The following TMTC1 variants were observed in gnomAD, a reference collection of about 807,000 sequenced individuals.
TMTC1 encodes transmembrane O-mannosyltransferase targeting cadherins 1, also known as protein O-mannosyl-transferase TMTC1.
Under a neutral mutation model 104.8 loss-of-function variants are expected in TMTC1, and 73 were observed. The ratio of observed to expected loss-of-function variants is 0.70; its 90% CI spans 0.58 to 0.85. The LOEUF is 0.85. TMTC1 is among the 40% of genes least tolerant of loss of function. The pLI is 0.00. For missense variants in TMTC1, 1,035 were observed against 1,096.1 expected, an observed-to-expected ratio of 0.94 and a Z score of 0.79; for synonymous variants, 434 against 428.7, an observed-to-expected ratio of 1.01 and a Z score of -0.15.
At chr12:29,729,278 T>C (rs1942485615) in intron 5 of TMTC1, among the ~76,000 whole-genome samples, 1 of 151,904 alleles carries the variant, frequency 6.6e-6, no homozygotes, top group Non-Finnish European at 1.5e-5. Flanking sequence ...GTCTCCCTAC[T>C]AGATTGGGAG....
chr12:29,676,790 T>G (rs759890), intron 5 of TMTC1, among the ~76,000 whole-genome samples: 82,753 of 152,044 alleles, frequency 0.54, 22,751 homozygotes, highest in African/African-American at 0.63. Flanking sequence ...GATGCCCTCG[T>G]GCAGCCAAAT....
chr12:29,633,416 T>C (rs566203619), intron 5 of TMTC1, 80 bp from the exon 6 acceptor site: 1 of 1,188,376 alleles, frequency 8.4e-7, no homozygotes, highest in Non-Finnish European at 1.2e-6. Flanking sequence ...ATATTTTTAT[T>C]AAATAGCATT....
intron 2 of TMTC1, among the ~76,000 whole-genome samples, chr12:29,767,620 A>G (rs1272136888): frequency 1.3e-5 from 2 of 152,240 alleles, no homozygotes; most frequent in Admixed American, 6.5e-5. Flanking sequence ...AAAGCAGTTA[A>G]ATCCAGGAGG....
At chr12:29,599,881 CAT>C (rs1036771796) in intron 7 of TMTC1, among the ~76,000 whole-genome samples, 38 of 146,364 alleles carry the variant, frequency 2.6e-4, no homozygotes, top group African/African-American at 1.0e-3. Context: ...TTGAGTACAC[CAT>C]ATATATGTGT....
intron 13 of TMTC1, among the ~76,000 whole-genome samples, chr12:29,517,851 A>G (rs1328039385): frequency 6.6e-6 from 1 of 152,078 alleles, no homozygotes; most frequent in Non-Finnish European, 1.5e-5. Flanking sequence ...AGTAGCAGGG[A>G]TTACAGGTGC....
At chr12:29,582,036 C>T (rs80314025) in intron 8 of TMTC1, among the ~76,000 whole-genome samples, 461 of 152,150 alleles carry the variant, frequency 3.0e-3, no homozygotes, top group African/African-American at 0.01. Context: ...CTACAGTACC[C>T]GCTGAAATGA....
rs1337908667 is a variant in TMTC1, at chr12:29,516,491, A to C, written c.2170-5T>G. 1 of 1,612,654 alleles carries C rather than the reference A, an allele frequency of 6.2e-7. No individual in the cohort carries two copies. The highest frequency in any genetic ancestry group is 1.3e-5 in the African/African-American group (1 of 74,890). On this transcript the variant is annotated splice_polypyrimidine_tract_variant and splice_region_variant and intron_variant, in intron 14 of 17. Coordinates refer to ENST00000539277, the MANE Select transcript of TMTC1 (RefSeq NM_001193451.2). ...CATCACGGCCAAAACCTGAGCCTAC[A>C]AAACCACATGGACCTTGGCTTAGCA...
Position 29,550,933 on chromosome 12 carries a change from C to CAAAAAA in TMTC1, c.1676+5918_1676+5923dup, listed in dbSNP as rs200605964. On this transcript the variant is annotated intron_variant, in intron 10 of 17. Coordinates refer to ENST00000539277, the MANE Select transcript of TMTC1 (RefSeq NM_001193451.2). ...TGGGGGAGAGAGTGGGACTCCATCT[C>CAAAAAA]AAAAAAAAAAAAAAAAAAAAAAAAA... Among the ~76,000 whole-genome samples, 50 of 108,308 alleles carry CAAAAAA rather than the reference C, an allele frequency of 4.6e-4. 8 individuals are homozygous for CAAAAAA. The highest frequency in any genetic ancestry group is 1.7e-3 in the African/African-American group (44 of 25,272). The allele number at this position is 108,308 out of a possible 152,430, so 71.1% of individuals were successfully genotyped here.
In TMTC1 at chr12:29,527,828, T is replaced by C. The variant is rs185106363; in HGVS notation, c.1786-7108A>G. On this transcript the variant is annotated intron_variant, in intron 11 of 17. Transcript: ENST00000539277. ...CTAAATCTTCTCTTTTATTTTTGCA[T>C]CCATTAGCTGAGCTGATTTTCCACT... 1.7e-3 allele frequency among the ~76,000 whole-genome samples: 257 copies of C among 152,336 alleles called. 1 individual carries two copies. The highest frequency in any genetic ancestry group is 6.8e-3 in the Middle Eastern group (2 of 294).
At chr12:29,570,281 T>C (rs940350116) in intron 9 of TMTC1, among the ~76,000 whole-genome samples, 16 of 152,208 alleles carry the variant, frequency 1.1e-4, no homozygotes, top group African/African-American at 3.9e-4. Context: ...AGATGTTCAT[T>C]GTGGAACACC....
intron 17 of TMTC1, 122 bp from the exon 18 acceptor site, chr12:29,507,108 C>CT (rs1449729294): frequency 2.5e-6 from 2 of 791,590 alleles, no homozygotes; most frequent in Non-Finnish European, 4.2e-6. Context: ...TATGGAAACT[C>CT]TGTCTGTATG....
intron 8 of TMTC1, among the ~76,000 whole-genome samples, chr12:29,576,327 G>A (rs1433256540): frequency 4.6e-5 from 7 of 152,064 alleles, no homozygotes; most frequent in African/African-American, 1.7e-4. Context: ...TCATAGCCAA[G>A]GCCAATGTCA....
chr12:29,597,298 C>T (rs376088101), intron 7 of TMTC1, among the ~76,000 whole-genome samples: 53 of 137,504 alleles, frequency 3.9e-4, no homozygotes, highest in African/African-American at 1.4e-3. Flanking sequence ...TGGTCTTGAA[C>T]TCTTGAGCTC....
At chr12:29,611,740 G>A (rs757942028) in intron 6 of TMTC1, among the ~76,000 whole-genome samples, 3 of 152,202 alleles carry the variant, frequency 2.0e-5, no homozygotes, top group South Asian at 4.1e-4. Context: ...AGCTGTAAGC[G>A]AAGACATCTT....
chr12:29,515,761 T>TC (rs1236598874), intron 15 of TMTC1, among the ~76,000 whole-genome samples: 105 of 151,312 alleles, frequency 6.9e-4, no homozygotes, highest in Admixed American at 1.2e-3. Context: ...GACTTTTTTT[T>TC]TTTTTTTTCA....
chr12:29,714,662 C>G (rs541339833), intron 5 of TMTC1, among the ~76,000 whole-genome samples: 4 of 152,352 alleles, frequency 2.6e-5, no homozygotes, highest in African/African-American at 9.6e-5. Context: ...GGGTACCCCC[C>G]CTGGATTTGT....
At chr12:29,584,263 T>C (rs78399348) in intron 7 of TMTC1, among the ~76,000 whole-genome samples, 2,299 of 152,290 alleles carry the variant, frequency 0.015, 62 homozygotes, top group African/African-American at 0.051. Context: ...AGCCTTTGGC[T>C]TGGTGCTACA....
intron 6 of TMTC1, among the ~76,000 whole-genome samples, chr12:29,628,725 G>A (rs941785477): frequency 3.9e-5 from 6 of 152,054 alleles, no homozygotes; most frequent in East Asian, 2.0e-4. Flanking sequence ...TAAGTGGTGC[G>A]ATCTCGGCTC....
intron 11 of TMTC1, among the ~76,000 whole-genome samples, chr12:29,524,267 A>T (rs1319571388): frequency 6.6e-6 from 1 of 152,204 alleles, no homozygotes; most frequent in African/African-American, 2.4e-5. Context: ...CATGAACCAA[A>T]CCAACTAAAA....
Sources: allele counts gnomAD v4.1 joint callset (sites outside exome capture counted in the v4.1 genomes callset), GRCh38; gene constraint gnomAD v4.1.1; transcripts MANE v1.5; gene names NCBI Gene and HGNC (gene_info 2026-07-23, HGNC 2026-07-21).